ULK4: variants seen among roughly 807,000 people sequenced by gnomAD.
ULK4 encodes the protein inactive serine/threonine-protein kinase ULK4.
ULK4 carries 133 observed loss-of-function variants against 160.6 expected under a neutral mutation model. The ratio of observed to expected loss-of-function variants is 0.83; its 90% CI spans 0.72 to 0.96. The LOEUF is 0.96. Among genes scored for constraint, ULK4 ranks in the 40% least tolerant of loss-of-function variants. ULK4 has a pLI of 0.00. For synonymous variants in ULK4, 534 were observed against 539.8 expected (o/e 0.99, Z 0.15); for missense variants, 1,580 against 1,499.5 (o/e 1.05, Z -0.89).
chr3:41,954,932 C>A, intron 1 of ULK4, 125 bp from the exon 2 acceptor site: 1 of 620,168 alleles, frequency 1.6e-6, no homozygotes, highest in East Asian at 3.0e-5. Flanking sequence ...TCAGAAAATT[C>A]ACTTACAAAT....
At chr3:41,884,067 A>G in intron 16 of ULK4, 115 bp from the exon 17 acceptor site, 1 of 762,220 alleles carries the variant, frequency 1.3e-6, no homozygotes, top group South Asian at 1.6e-5. Flanking sequence ...AGAAATAAAA[A>G]TTGAATGTGA....
intron 30 of ULK4, among the ~76,000 whole-genome samples, chr3:41,658,737 A>ACACACACACACACACACACTCTCT (rs1553628733): frequency 1.3e-5 from 2 of 151,062 alleles, no homozygotes; most frequent in East Asian, 4.1e-4. Flanking sequence ...GTACACACAC[A>ACACACACACACACACACACTCTCT]CACACACACA....
intron 35 of ULK4, 68 bp from the exon 36 acceptor site, chr3:41,249,642 G>C: frequency 1.3e-6 from 2 of 1,501,632 alleles, no homozygotes; most frequent in Non-Finnish European, 1.8e-6. Flanking sequence ...TGTTGGATGG[G>C]CACCCTGAGT....
At chr3:41,473,901 AAAATG>A (rs1209847886) in intron 32 of ULK4, among the ~76,000 whole-genome samples, 14 of 152,200 alleles carry the variant, frequency 9.2e-5, no homozygotes, top group Admixed American at 3.9e-4. Flanking sequence ...TAATATTGTT[AAAATG>A]TCCGTTCTGC....
intron 19 of ULK4, among the ~76,000 whole-genome samples, chr3:41,804,650 A>G (rs77537349): frequency 0.31 from 47,363 of 151,058 alleles, 11,017 homozygotes; most frequent in African/African-American, 0.66. Flanking sequence ...ATCTTGAATT[A>G]ATTTTTGTGT....
At chr3:41,597,154 T>C (rs990519045) in intron 31 of ULK4, among the ~76,000 whole-genome samples, 4 of 151,902 alleles carry the variant, frequency 2.6e-5, no homozygotes, top group Non-Finnish European at 4.4e-5. Flanking sequence ...CTGGGAGGGG[T>C]AGTCTCCCCA....
At chr3:41,466,313 G>A (rs1019396786) in intron 32 of ULK4, among the ~76,000 whole-genome samples, 1 of 152,126 alleles carries the variant, frequency 6.6e-6, no homozygotes, top group Non-Finnish European at 1.5e-5. Context: ...AACGGAGATA[G>A]TAAGTATCTG....
chr3:41,519,834 T>C (rs751715789), intron 32 of ULK4, among the ~76,000 whole-genome samples: 3 of 152,214 alleles, frequency 2.0e-5, no homozygotes, highest in Non-Finnish European at 4.4e-5. Flanking sequence ...GTAAGTTGCA[T>C]ATGTATCAAC....
chr3:41,321,020 T>G (rs576260175), intron 35 of ULK4, among the ~76,000 whole-genome samples: 1 of 152,294 alleles, frequency 6.6e-6, no homozygotes, highest in South Asian at 2.1e-4. Flanking sequence ...CTTTTTTTTT[T>G]GTTAAGCCTG....
At chr3:41,355,581 CA>C (rs2081014154) in intron 35 of ULK4, among the ~76,000 whole-genome samples, 1 of 152,126 alleles carries the variant, frequency 6.6e-6, no homozygotes, top group Non-Finnish European at 1.5e-5. Flanking sequence ...TAGAAGGTCT[CA>C]AATCAAACTG....
Position 41,681,737 on chromosome 3 carries a change from G to T in ULK4, c.2833+16C>A. On this transcript the variant is annotated intron_variant, in intron 28 of 36. Transcript: ENST00000301831. The stretch of plus-strand genomic sequence containing the variant: ...TGTGTAACTGATGCAATTCTTGCTG[G>T]TGTCATCACACTTACCATTTTGGCT... The T allele has an allele frequency of 6.2e-7, 1 of 1,613,980 alleles. No individual in the cohort carries two copies. The highest frequency in any genetic ancestry group is 8.5e-7 in the Non-Finnish European group (1 of 1,179,928).
intron 35 of ULK4, among the ~76,000 whole-genome samples, chr3:41,356,646 G>C (rs2081035055): frequency 6.6e-6 from 1 of 152,052 alleles, no homozygotes; most frequent in Non-Finnish European, 1.5e-5. Flanking sequence ...TTTCTCTAAA[G>C]GTTATATGTT....
chr3:41,900,665 C>T (rs1698318802), intron 13 of ULK4, 60 bp downstream of exon 13: 1 of 1,265,512 alleles, frequency 7.9e-7, no homozygotes, highest in Admixed American at 1.9e-5. Context: ...ATGAAAATCT[C>T]ATGCAGATTT....
intron 21 of ULK4, among the ~76,000 whole-genome samples, chr3:41,757,609 G>A (rs1161718779): frequency 7.3e-5 from 10 of 136,696 alleles, no homozygotes; most frequent in Admixed American, 3.8e-4. Flanking sequence ...TCCAGCCTGC[G>A]CAACAGAGCG....
chr3:41,807,957 A>G (rs1370023225), intron 19 of ULK4, among the ~76,000 whole-genome samples: 1 of 152,158 alleles, frequency 6.6e-6, no homozygotes, highest in Non-Finnish European at 1.5e-5. Context: ...TGCTCAGCTC[A>G]ACTCTTCCCC....
At chr3:41,473,085 A>T (rs1368613048) in intron 32 of ULK4, among the ~76,000 whole-genome samples, 1 of 152,320 alleles carries the variant, frequency 6.6e-6, no homozygotes, top group East Asian at 1.9e-4. Context: ...CAACAAATCA[A>T]TGTACCTCAA....
At chr3:41,410,930 T>G (rs1236491655) in intron 34 of ULK4, among the ~76,000 whole-genome samples, 1 of 149,456 alleles carries the variant, frequency 6.7e-6, no homozygotes, top group African/African-American at 2.5e-5. Context: ...CCCACCATAT[T>G]CCAGTATAAC....
At chr3:41,660,957 T>C (rs2035131452) in intron 30 of ULK4, among the ~76,000 whole-genome samples, 1 of 152,236 alleles carries the variant, frequency 6.6e-6, no homozygotes, top group South Asian at 2.1e-4. Flanking sequence ...TAGTGTTCTA[T>C]ATTATGGCTA....
intron 17 of ULK4, among the ~76,000 whole-genome samples, chr3:41,856,545 ATATG>A (rs1559610948): frequency 7.6e-5 from 6 of 78,580 alleles, no homozygotes; most frequent in African/African-American, 1.4e-4. Flanking sequence ...ATGTATATAT[ATATG>A]TGTATATATA....
Sources: gnomAD v4.1 joint callset for allele counts (sites outside exome capture counted in the v4.1 genomes callset) on GRCh38, gnomAD v4.1.1 for gene constraint, MANE v1.5 for transcripts, NCBI Gene and HGNC (gene_info 2026-07-23, HGNC 2026-07-21) for gene names.